The following SAMD4A variants were observed in gnomAD, a reference collection of about 807,000 sequenced individuals.
The protein encoded by SAMD4A is sterile alpha motif domain containing 4A.
A neutral mutation model predicts 81.3 loss-of-function variants in SAMD4A; 33 were observed. That is an observed-to-expected ratio of 0.41 (90% confidence interval 0.31 to 0.54). The LOEUF is 0.54. Among genes scored for constraint, SAMD4A ranks in the 20% least tolerant of loss-of-function variants. The probability of loss-of-function intolerance (pLI) is 0.37; values close to 1 mark genes in which losing one functional copy is unlikely to be tolerated. For synonymous variants in SAMD4A, 389 were observed against 382.1 expected, an observed-to-expected ratio of 1.02 and a Z score of -0.21; for missense variants, 854 against 951.1, an observed-to-expected ratio of 0.90 and a Z score of 1.34.
At chr14:54,666,141 A>C (rs114791614) in intron 2 of SAMD4A, among the ~76,000 whole-genome samples, 17 of 152,344 alleles carry the variant, frequency 1.1e-4, no homozygotes, top group African/African-American at 3.8e-4. Flanking sequence ...GCATAAGAAG[A>C]AGCACATGAT....
chr14:54,621,720 A>G (rs1338845557), intron 2 of SAMD4A, among the ~76,000 whole-genome samples: 3 of 152,192 alleles, frequency 2.0e-5, no homozygotes, highest in East Asian at 3.9e-4. Context: ...TTCTTTCTTT[A>G]CTGGTCTCCT....
intron 2 of SAMD4A, among the ~76,000 whole-genome samples, chr14:54,661,240 A>T (rs1404054551): frequency 1.3e-5 from 2 of 152,262 alleles, no homozygotes; most frequent in Non-Finnish European, 2.9e-5. Flanking sequence ...TAGGACAATG[A>T]TATAACTTTA....
At chr14:54,657,873 C>T (rs1251237936) in intron 2 of SAMD4A, among the ~76,000 whole-genome samples, 1 of 152,182 alleles carries the variant, frequency 6.6e-6, no homozygotes, top group Non-Finnish European at 1.5e-5. Flanking sequence ...TTTGTGAGAT[C>T]CCATCTATCC....
At chr14:54,599,313 C>G (rs11626705) in intron 2 of SAMD4A, among the ~76,000 whole-genome samples, 25,292 of 152,020 alleles carry the variant, frequency 0.17, 2,713 homozygotes, top group East Asian at 0.37. Flanking sequence ...TATATATAAC[C>G]CAACATAAAG....
At chr14:54,650,201 A>T (rs997089602) in intron 2 of SAMD4A, among the ~76,000 whole-genome samples, 4 of 152,250 alleles carry the variant, frequency 2.6e-5, no homozygotes, top group African/African-American at 9.6e-5. Flanking sequence ...CTGATAAAAG[A>T]CTTGAGATAG....
chr14:54,791,320 T>C lies in SAMD4A; in HGVS notation c.*2376T>C, dbSNP rs1023572387. 3.3e-5 allele frequency: 5 copies of C among 152,218 alleles called. No homozygotes were observed. The highest frequency in any genetic ancestry group is 9.6e-5 in the African/African-American group (4 of 41,462). 9.4% of individuals were successfully genotyped at this position (152,218 alleles called of 1,614,324 possible). ...GCTGAGAAAGGAAAGCATTCGGATC[T>C]GCTGCAAAAACACATATATCCATAA... On this transcript the variant is annotated 3_prime_UTR_variant, in exon 13 of 13. Coordinates refer to ENST00000554335, the MANE Select transcript of SAMD4A (RefSeq NM_015589.6).
chr14:54,764,006 G>A lies in SAMD4A; in HGVS notation c.1511-449G>A, dbSNP rs187721736. Among the ~76,000 whole-genome samples the A allele has an allele frequency of 6.6e-5, 10 of 152,288 alleles. No homozygotes were observed. In the East Asian group the frequency reaches 1.3e-3, roughly 21 times the overall value. On this transcript the variant is annotated intron_variant, in intron 7 of 12. Coordinates refer to ENST00000554335, the MANE Select transcript of SAMD4A (RefSeq NM_015589.6). ...CCCCGTCTCCAGGAGGTGCCAGCTC[G>A]TTCCTCCAAACACAAACGCCGCTGT...
At chr14:54,754,908 CAT>C in intron 6 of SAMD4A, 1 of 955,956 alleles carries the variant, frequency 1.0e-6, no homozygotes, top group Non-Finnish European at 1.2e-6. Context: ...GTGAGTCATA[CAT>C]GGTTCCTGCA....
At chr14:54,733,570 G>C (rs2037612838) in intron 3 of SAMD4A, among the ~76,000 whole-genome samples, 1 of 152,118 alleles carries the variant, frequency 6.6e-6, no homozygotes, top group African/African-American at 2.4e-5. Context: ...TATAAATTGA[G>C]GACCTCAGTT....
chr14:54,788,255 G>T (rs2039190051), intron 12 of SAMD4A, among the ~76,000 whole-genome samples: 4 of 152,202 alleles, frequency 2.6e-5, no homozygotes, highest in African/African-American at 9.7e-5. Context: ...CTTGTCCCCA[G>T]TGTCTCATCA....
chr14:54,764,588 A>G, intron 8 of SAMD4A, 48 bp downstream of exon 8: 1 of 1,257,890 alleles, frequency 7.9e-7, no homozygotes, highest in Non-Finnish European at 1.1e-6. Flanking sequence ...TATTGCTTAG[A>G]AATGGTTCTC....
intron 2 of SAMD4A, among the ~76,000 whole-genome samples, chr14:54,637,093 G>A (rs2035051405): frequency 6.6e-6 from 1 of 151,984 alleles, no homozygotes; most frequent in Non-Finnish European, 1.5e-5. Context: ...GGCCAGGCCT[G>A]GTAGCTCACG....
rs2039223586 is a variant in SAMD4A, at chr14:54,789,516, C to T, written c.*572C>T. On this transcript the variant is annotated 3_prime_UTR_variant, in exon 13 of 13. Transcript: ENST00000554335. ...AGTAGGGGAAAGAAGGAAGAAATTC[C>T]CTGCAACAAAACTTCAGCTAAACTT... is the stretch of plus-strand genomic sequence containing the variant. The T allele has an allele frequency of 6.5e-6, 1 of 153,346 alleles. No individual in the cohort carries two copies. The highest frequency in any genetic ancestry group is 1.5e-5 in the Non-Finnish European group (1 of 68,864). The allele number at this position is 153,346 out of a possible 1,614,324, so 9.5% of individuals were successfully genotyped here.
chr14:54,729,127 T>C (rs1213344268), intron 3 of SAMD4A, among the ~76,000 whole-genome samples: 1 of 152,116 alleles, frequency 6.6e-6, no homozygotes, highest in African/African-American at 2.4e-5. Flanking sequence ...ACTCTGGCCA[T>C]CTCCTTGGGA....
intron 2 of SAMD4A, among the ~76,000 whole-genome samples, chr14:54,601,085 G>C (rs919887971): frequency 6.6e-6 from 1 of 151,992 alleles, no homozygotes; most frequent in Non-Finnish European, 1.5e-5. Flanking sequence ...ATTCCTCTTC[G>C]AGCTCAGCAG....
At chr14:54,776,354 C>A in intron 10 of SAMD4A, 60 bp from the exon 11 acceptor site, 1 of 1,525,820 alleles carries the variant, frequency 6.6e-7, no homozygotes. Flanking sequence ...TTGCTGGCGG[C>A]TCTGCTCTCC....
chr14:54,683,830 G>GT (rs1365868480), intron 2 of SAMD4A, among the ~76,000 whole-genome samples: 1 of 152,206 alleles, frequency 6.6e-6, no homozygotes, highest in Non-Finnish European at 1.5e-5. Flanking sequence ...CACAGTCTTA[G>GT]TGAGGGGTAG....
At chr14:54,717,159 T>A (rs1425557267) in intron 3 of SAMD4A, among the ~76,000 whole-genome samples, 1 of 152,084 alleles carries the variant, frequency 6.6e-6, no homozygotes, top group African/African-American at 2.4e-5. Context: ...ATTCAAGAAA[T>A]TATTTTGGCA....
chr14:54,726,091 C>T (rs2037408863), intron 3 of SAMD4A, among the ~76,000 whole-genome samples: 1 of 151,972 alleles, frequency 6.6e-6, no homozygotes, highest in South Asian at 2.1e-4. Flanking sequence ...ATCTAGAATG[C>T]AATTTTTTAC....
Sources: allele counts gnomAD v4.1 joint callset (sites outside exome capture counted in the v4.1 genomes callset), GRCh38; gene constraint gnomAD v4.1.1; transcripts MANE v1.5; gene names NCBI Gene and HGNC (gene_info 2026-07-23, HGNC 2026-07-21).